PRKCZ: variants seen among roughly 807,000 people sequenced by gnomAD.
The protein encoded by PRKCZ is protein kinase C zeta type.
In PRKCZ, 33 loss-of-function variants were observed where a neutral mutation model predicts 79.5. The ratio of observed to expected loss-of-function variants is 0.41; its 90% CI spans 0.31 to 0.55. The LOEUF is 0.55. PRKCZ is among the 20% of genes least tolerant of loss of function. The pLI is 0.19. For missense variants in PRKCZ, 578 were observed against 813.5 expected (o/e 0.71, Z 3.52); for synonymous variants, 342 against 320.9 (o/e 1.07, Z -0.70).
chr1:2,152,776 G>A (rs1237704437), intron 9 of PRKCZ, among the ~76,000 whole-genome samples: 1 of 152,228 alleles, frequency 6.6e-6, no homozygotes, highest in African/African-American at 2.4e-5. Context: ...AGCTTTTGGT[G>A]TCTGGCTTCT....
In PRKCZ at chr1:2,177,274, G is replaced by T. The variant is rs1685672549; in HGVS notation, c.1575+1961G>T. On this transcript the variant is annotated intron_variant, in intron 16 of 17. Coordinates refer to ENST00000378567, the MANE Select transcript of PRKCZ (RefSeq NM_002744.6). The surrounding 1 kb of genome is among the most constrained non-coding windows in gnomAD (Gnocchi z 6.4). ...TACCACCCGGCTGAACCCGTAGCAG[G>T]TGCTTAGTAGAATTACGTGAGGAGC... 6.6e-6 allele frequency among the ~76,000 whole-genome samples: 1 copy of T among 152,172 alleles called. No homozygotes were observed. The highest frequency in any genetic ancestry group is 2.4e-5 in the African/African-American group (1 of 41,434).
intron 7 of PRKCZ, 93 bp from the exon 8 acceptor site, chr1:2,148,779 C>T: frequency 1.6e-6 from 2 of 1,288,830 alleles, no homozygotes; most frequent in South Asian, 1.2e-5. Context: ...TTCACCGTCA[C>T]CCTGCAGAGG....
intron 4 of PRKCZ, among the ~76,000 whole-genome samples, chr1:2,080,628 G>C (rs1026802737): frequency 2.0e-5 from 3 of 152,170 alleles, no homozygotes; most frequent in African/African-American, 7.2e-5. Flanking sequence ...TTCCCTCCCT[G>C]CTCCCTCCTG....
intron 4 of PRKCZ, among the ~76,000 whole-genome samples, chr1:2,111,114 C>T (rs976147851): frequency 4.6e-5 from 7 of 151,940 alleles, no homozygotes; most frequent in African/African-American, 1.2e-4. Context: ...ATGGGTATTG[C>T]GGCAGGGAAG....
chr1:2,107,729 G>C (rs535534853), intron 4 of PRKCZ, among the ~76,000 whole-genome samples: 1 of 152,312 alleles, frequency 6.6e-6, no homozygotes, highest in Admixed American at 6.5e-5. Flanking sequence ...TCCGGCCTGT[G>C]CCTCTCCGGC....
At chr1:2,056,702 T>C in intron 3 of PRKCZ, 129 bp downstream of exon 3, 1 of 757,530 alleles carries the variant, frequency 1.3e-6, no homozygotes, top group African/African-American at 1.8e-5. Flanking sequence ...ATGTCTAATA[T>C]AATGCCATTT....
intron 9 of PRKCZ, 128 bp downstream of exon 9, chr1:2,151,106 C>G: frequency 8.7e-7 from 1 of 1,151,404 alleles, no homozygotes; most frequent in Non-Finnish European, 1.2e-6. Context: ...TGTGCAAAAT[C>G]AATAGTCATG....
intron 1 of PRKCZ, among the ~76,000 whole-genome samples, chr1:2,052,244 A>G (rs530858937): frequency 2.6e-5 from 4 of 152,208 alleles, no homozygotes; most frequent in South Asian, 2.1e-4. Context: ...CTCGGAGGCA[A>G]TGCCACTGGA....
chr1:2,067,260 T>C (rs1319473052), intron 4 of PRKCZ, among the ~76,000 whole-genome samples: 1 of 151,814 alleles, frequency 6.6e-6, no homozygotes, highest in Non-Finnish European at 1.5e-5. Flanking sequence ...CGCTCTGCTG[T>C]GTCTGTCAGA....
chr1:2,124,339 G>GGTA lies in PRKCZ; in HGVS notation c.335-10921_335-10920insAGT. Among the ~76,000 whole-genome samples the GGTA allele has an allele frequency of 1.7e-4, 2 of 12,086 alleles. 1 individual carries two copies. The highest frequency in any genetic ancestry group is 2.7e-4 in the Non-Finnish European group (2 of 7,406). 7.9% of individuals were successfully genotyped at this position (12,086 alleles called of 152,430 possible). On this transcript the variant is annotated intron_variant, in intron 4 of 17. Transcript: ENST00000378567. ...CGGTGGTGGTTAGGGTCACGGTGGT[G>GGTA]GTTAGGGTCACGGCGGTGGTTAGGG...
chr1:2,061,251 C>T (rs1660647901), intron 4 of PRKCZ, among the ~76,000 whole-genome samples: 1 of 152,220 alleles, frequency 6.6e-6, no homozygotes, highest in Admixed American at 6.5e-5. Flanking sequence ...ATTTCTCCGA[C>T]ATGTCTGCCT....
intron 4 of PRKCZ, among the ~76,000 whole-genome samples, chr1:2,063,289 T>C (rs1379563367): frequency 6.6e-6 from 1 of 152,174 alleles, no homozygotes; most frequent in Non-Finnish European, 1.5e-5. Flanking sequence ...GGAAGTGAGA[T>C]TGCTGGATCA....
At chr1:2,130,686 C>T (rs1571677742) in intron 4 of PRKCZ, among the ~76,000 whole-genome samples, 1 of 152,000 alleles carries the variant, frequency 6.6e-6, no homozygotes, top group East Asian at 2.0e-4. Context: ...AGGCCTTTTT[C>T]TGCTTGGGTG....
At chr1:2,086,055 C>CT (rs34459015) in intron 4 of PRKCZ, among the ~76,000 whole-genome samples, 191 of 137,340 alleles carry the variant, frequency 1.4e-3, no homozygotes, top group Non-Finnish European at 1.5e-3. Flanking sequence ...TATTATCATC[C>CT]TTTTTTTTTT....
intron 2 of PRKCZ, 48 bp downstream of exon 2, chr1:2,055,610 C>G (rs769275653): frequency 6.3e-7 from 1 of 1,584,264 alleles, no homozygotes; most frequent in African/African-American, 1.3e-5. Context: ...CAGGGGACTT[C>G]GCCAGGGCAG....
At chr1:2,121,415 G>A (rs987216597) in intron 4 of PRKCZ, among the ~76,000 whole-genome samples, 4 of 138,372 alleles carry the variant, frequency 2.9e-5, no homozygotes, top group South Asian at 2.1e-4. Context: ...GGTGTTTGGA[G>A]ACGAAGCCTT....
chr1:2,168,838 A>G lies in PRKCZ; in HGVS notation c.975-680A>G. ...CCACAGGGTATTTCTGGGAGATTGT[A>G]TGAGAATTTAATTTTGAAAATTGAG... On this transcript the variant is annotated intron_variant, in intron 10 of 17. Transcript: ENST00000378567. The surrounding 1 kb of genome is among the most constrained non-coding windows in gnomAD (Gnocchi z 4.7). 1 of 214,332 alleles carries G rather than the reference A, an allele frequency of 4.7e-6. No homozygotes were observed. The highest frequency in any genetic ancestry group is 9.8e-6 in the Non-Finnish European group (1 of 101,902). The allele number at this position is 214,332 out of a possible 1,614,324, so 13.3% of individuals were successfully genotyped here.
chr1:2,162,475 C>T (rs1211155706), intron 10 of PRKCZ, among the ~76,000 whole-genome samples: 1 of 152,214 alleles, frequency 6.6e-6, no homozygotes, highest in Non-Finnish European at 1.5e-5. Flanking sequence ...TCACACATTA[C>T]CTGGGGCGAA....
In PRKCZ at chr1:2,059,480, G is replaced by A. The variant is rs1008402402; in HGVS notation, c.284-61G>A. The A allele has an allele frequency of 2.2e-5, 35 of 1,594,140 alleles. No homozygotes were observed. The East Asian group carries it at 4.0e-4, about 18-fold the overall frequency. On this transcript the variant is annotated intron_variant, in intron 3 of 17. Coordinates refer to ENST00000378567, the MANE Select transcript of PRKCZ (RefSeq NM_002744.6). ...GCCTGACTGAGGCGGGACTTCCTCC[G>A]TGAGACTGTTGAGTGGCAGCCGCAG... is the stretch of plus-strand genomic sequence containing the variant.
Sources: gnomAD v4.1 joint callset for allele counts (sites outside exome capture counted in the v4.1 genomes callset) on GRCh38, gnomAD v4.1.1 for gene constraint, Gnocchi (gnomAD v3.1) non-coding constraint, MANE v1.5 for transcripts, NCBI Gene and HGNC (gene_info 2026-07-23, HGNC 2026-07-21) for gene names.